NFAM1: variants seen among roughly 807,000 people sequenced by gnomAD.
NFAM1 encodes NFAT activating protein with ITAM motif 1, also known as NFAT activation molecule 1.
A neutral mutation model predicts 29.0 loss-of-function variants in NFAM1; 17 were observed. The ratio of observed to expected loss-of-function variants is 0.59; its 90% CI spans 0.40 to 0.88. NFAM1 has a LOEUF of 0.88. NFAM1 is among the 40% of genes least tolerant of loss of function. The probability of loss-of-function intolerance (pLI) is 0.00; values close to 1 mark genes in which losing one functional copy is unlikely to be tolerated. For synonymous variants in NFAM1, 175 were observed against 147.2 expected (o/e 1.19, Z -1.36); for missense variants, 324 against 344.6 (o/e 0.94, Z 0.47).
At chr22:42,432,416 G>A (rs1930844084), upstream of NFAM1, 5 of 1,477,682 alleles carry the variant, frequency 3.4e-6, no homozygotes, top group South Asian at 7.0e-5. Context: ...GGCCGGCGCT[G>A]ACAGCTTCCC....
At chr22:42,399,510 C>T (rs867376788) in intron 3 of NFAM1, among the ~76,000 whole-genome samples, 1 of 151,274 alleles carries the variant, frequency 6.6e-6, no homozygotes. Flanking sequence ...GTGTGTGGCC[C>T]GAGAGAGGAG....
At chr22:42,424,243 A>G (rs528560813) in intron 1 of NFAM1, among the ~76,000 whole-genome samples, 23 of 152,170 alleles carry the variant, frequency 1.5e-4, no homozygotes, top group Admixed American at 7.8e-4. Flanking sequence ...GTGAAACCCC[A>G]CCTTTACTAA....
In NFAM1 at chr22:42,432,366, C is replaced by G; in HGVS notation, c.-9G>C. The G allele has an allele frequency of 6.4e-7, 1 of 1,560,166 alleles. No individual in the cohort carries two copies. Among genetic ancestry groups the G allele is most frequent in the South Asian group, 1.2e-5 (1 of 84,154 alleles). The stretch of plus-strand genomic sequence containing the variant: ...ACAGGCTGGTTCTCCATCTGGGGGC[C>G]TGCTTGTCTGCGGCGACTCTTTAGT... On this transcript the variant is annotated 5_prime_UTR_variant, in exon 1 of 6. Transcript: ENST00000329021.
chr22:42,414,699 G>A (rs969384129), intron 1 of NFAM1, among the ~76,000 whole-genome samples: 3 of 151,744 alleles, frequency 2.0e-5, no homozygotes, highest in Non-Finnish European at 4.4e-5. Flanking sequence ...CCTACCCTGT[G>A]GCCCCCTCGA....
intron 3 of NFAM1, among the ~76,000 whole-genome samples, chr22:42,407,804 CTGA>C (rs1323206677): frequency 2.0e-5 from 3 of 151,824 alleles, no homozygotes; most frequent in Non-Finnish European, 4.4e-5. Flanking sequence ...GTTACCCACG[CTGA>C]TATTGAACTC....
At chr22:42,400,561 G>A (rs1929692880) in intron 3 of NFAM1, among the ~76,000 whole-genome samples, 1 of 152,206 alleles carries the variant, frequency 6.6e-6, no homozygotes, top group Non-Finnish European at 1.5e-5. Context: ...AGGTTGCAGT[G>A]AGCTGAGATT....
chr22:42,413,192 T>C (rs1173549692), intron 1 of NFAM1, among the ~76,000 whole-genome samples: 1 of 152,164 alleles, frequency 6.6e-6, no homozygotes, highest in Non-Finnish European at 1.5e-5. Context: ...GGATTGTTAA[T>C]CGGGAGAAGA....
At chr22:42,422,640 C>T (rs561558140) in intron 1 of NFAM1, among the ~76,000 whole-genome samples, 5 of 152,078 alleles carry the variant, frequency 3.3e-5, no homozygotes, top group Non-Finnish European at 2.9e-5. Context: ...AAGGTCAAGT[C>T]GCTCCAACTT....
At chr22:42,422,554 C>T (rs555122847) in intron 1 of NFAM1, among the ~76,000 whole-genome samples, 5 of 152,114 alleles carry the variant, frequency 3.3e-5, no homozygotes, top group Admixed American at 6.5e-5. Context: ...GAGCCGAGAC[C>T]GCGCCACTAC....
chr22:42,386,914 G>GC (rs993348524), intron 5 of NFAM1, 75 bp downstream of exon 5: 51 of 780,704 alleles, frequency 6.5e-5, no homozygotes, highest in Non-Finnish European at 5.3e-5. Context: ...TGTCCCATTT[G>GC]CCCCCCCACT....
Position 42,411,466 on chromosome 22 carries a change from C to T in NFAM1, c.392G>A (p.Cys131Tyr), listed in dbSNP as rs1930086796. ...CGTGGAGTGTGGCCAGTGGACAGAG[C>T]AGTAGTAGGTGCCAGTGGCCGATGC... Reference protein sequence around the residue: ...PGASATGTYYCSVHWPHSTVR... With the variant: ...PGASATGTYYYSVHWPHSTVR... Residue 131 changes from cysteine to tyrosine, a missense_variant, in exon 2 of 6, where the codon TGC (cysteine) becomes TAC (tyrosine). Physicochemically the swap from Cys to Tyr is radical, Grantham distance 194. Transcript: ENST00000329021. The T allele has an allele frequency of 6.2e-7, 1 of 1,614,042 alleles. No homozygotes were observed. The highest frequency in any genetic ancestry group is 1.7e-5 in the Admixed American group (1 of 59,996).
At chr22:42,422,179 G>A (rs1930466575) in intron 1 of NFAM1, among the ~76,000 whole-genome samples, 1 of 152,134 alleles carries the variant, frequency 6.6e-6, no homozygotes, top group Admixed American at 6.5e-5. Flanking sequence ...CATGCCTCTA[G>A]ACCCCCGAAC....
At position 42,423,550 on chromosome 22, in the gene NFAM1, G is replaced by GAAATAAATAAATAAATAAAT. The variant is rs60005859; in HGVS notation, c.121+8686_121+8687insATTTATTTATTTATTTATTT. Among the ~76,000 whole-genome samples the GAAATAAATAAATAAATAAAT allele has an allele frequency of 8.0e-4, 121 of 151,508 alleles. No homozygotes were observed. In the Middle Eastern group the frequency reaches 0.017, roughly 21 times the overall value. On this transcript the variant is annotated intron_variant, in intron 1 of 5. Coordinates refer to ENST00000329021, the MANE Select transcript of NFAM1 (RefSeq NM_145912.8). ...GGCAACATAGCAAGACCCCATTTCTGAAATAAATAAATAAATAAAATTAGC... is the reference window on the plus strand; with the variant it reads ...GGCAACATAGCAAGACCCCATTTCTGAAATAAATAAATAAATAAATAAATAAATAAATAAATAAAATTAGC...
At chr22:42,426,981 G>C (rs545651568) in intron 1 of NFAM1, among the ~76,000 whole-genome samples, 1 of 151,970 alleles carries the variant, frequency 6.6e-6, no homozygotes, top group Admixed American at 6.6e-5. Flanking sequence ...GCACCCAGGC[G>C]GGGGGGCTCG....
chr22:42,386,239 G>A (rs1332603431), intron 5 of NFAM1, among the ~76,000 whole-genome samples: 1 of 151,808 alleles, frequency 6.6e-6, no homozygotes, highest in Non-Finnish European at 1.5e-5. Context: ...CTGGGCACAG[G>A]GGCGGGCGCC....
intron 2 of NFAM1, chr22:42,410,510 G>A: frequency 2.8e-6 from 1 of 358,788 alleles, no homozygotes; most frequent in South Asian, 2.0e-5. Context: ...AATACAAAAA[G>A]TAGCCAGGTG....
intron 1 of NFAM1, among the ~76,000 whole-genome samples, chr22:42,418,139 T>A (rs1215024669): frequency 6.6e-6 from 1 of 152,164 alleles, no homozygotes; most frequent in Non-Finnish European, 1.5e-5. Context: ...CGGGGGCGTT[T>A]GGGAAAAGCC....
At chr22:42,397,094 T>G (rs1350616168) in intron 4 of NFAM1, among the ~76,000 whole-genome samples, 1 of 152,214 alleles carries the variant, frequency 6.6e-6, no homozygotes, top group African/African-American at 2.4e-5. Flanking sequence ...CTTCCCTTGC[T>G]CTACTTGGAG....
intron 1 of NFAM1, among the ~76,000 whole-genome samples, chr22:42,426,472 T>G (rs371885654): frequency 6.6e-6 from 1 of 152,154 alleles, no homozygotes; most frequent in Non-Finnish European, 1.5e-5. Flanking sequence ...ACTCATCAAA[T>G]AGACCCTCAG....
Sources: allele counts gnomAD v4.1 joint callset (sites outside exome capture counted in the v4.1 genomes callset), GRCh38; gene constraint gnomAD v4.1.1; transcripts MANE v1.5; gene names NCBI Gene and HGNC (gene_info 2026-07-23, HGNC 2026-07-21).